ZNF44: variants seen among roughly 807,000 people sequenced by gnomAD.
ZNF44 encodes zinc finger protein 44.
In ZNF44, 9 loss-of-function variants were observed where a neutral mutation model predicts 11.7. That is an observed-to-expected ratio of 0.77 (90% confidence interval 0.46 to 1.35). The LOEUF (loss-of-function observed/expected upper bound fraction) is 1.35, where lower values mean the gene tolerates loss of function less well. ZNF44 is among the 40% of genes most tolerant of loss of function. The pLI is 0.00. For synonymous variants in ZNF44, 224 were observed against 242.7 expected (o/e 0.92, Z 0.72); for missense variants, 696 against 743.1 (o/e 0.94, Z 0.74).
chr19:12,286,462 C>T (rs1383792757), intron 1 of ZNF44, among the ~76,000 whole-genome samples: 3 of 151,538 alleles, frequency 2.0e-5, no homozygotes. Context: ...GATGAAACCC[C>T]GTCTCTACTA....
At chr19:12,232,309 C>T (rs1916197347) in intron 2 of ZNF44, among the ~76,000 whole-genome samples, 1 of 152,180 alleles carries the variant, frequency 6.6e-6, no homozygotes. Context: ...ATGCCTTCCT[C>T]TTGTCTCAAC....
chr19:12,226,976 G>A (rs1005400206), intron 3 of ZNF44, among the ~76,000 whole-genome samples: 3 of 151,956 alleles, frequency 2.0e-5, no homozygotes, highest in Non-Finnish European at 4.4e-5. Flanking sequence ...TGACACAGGA[G>A]AATCGCTTGA....
In ZNF44 at chr19:12,289,092, C is replaced by T. The variant is rs540952032; in HGVS notation, c.3+5600G>A. On this transcript the variant is annotated intron_variant, in intron 1 of 3. Transcript: ENST00000355684. ...GGCTGAAGTGGGTGGATCTCTTGAG[C>T]CCAGGAGTTCAAGACCAGCCTGGGC... 2.0e-5 allele frequency among the ~76,000 whole-genome samples: 3 copies of T among 151,648 alleles called. No homozygotes were observed. The South Asian group carries it at 6.3e-4, about 32-fold the overall frequency.
intron 1 of ZNF44, among the ~76,000 whole-genome samples, chr19:12,287,797 G>C (rs1364685927): frequency 1.3e-5 from 2 of 152,138 alleles, no homozygotes; most frequent in Non-Finnish European, 2.9e-5. Context: ...TTGATGTAAT[G>C]ATTTCCACTC....
intron 1 of ZNF44, among the ~76,000 whole-genome samples, chr19:12,235,897 A>G (rs986808029): frequency 2.0e-5 from 3 of 152,240 alleles, no homozygotes; most frequent in African/African-American, 7.2e-5. Flanking sequence ...GGGAACCTCA[A>G]TCCAAAGACA....
intron 1 of ZNF44, among the ~76,000 whole-genome samples, chr19:12,288,971 A>C (rs1235415515): frequency 6.6e-6 from 1 of 151,396 alleles, no homozygotes; most frequent in Non-Finnish European, 1.5e-5. Flanking sequence ...CTAGCTGAAC[A>C]GTTTTGCCTC....
intron 5 of ZNF44, among the ~76,000 whole-genome samples, chr19:12,261,622 A>G (rs1374274145): frequency 6.6e-6 from 1 of 152,206 alleles, no homozygotes; most frequent in Non-Finnish European, 1.5e-5. Flanking sequence ...GAGCAAGACC[A>G]TGTCCTCTGT....
At chr19:12,257,912 A>C (rs1477317040) in intron 5 of ZNF44, among the ~76,000 whole-genome samples, 1 of 151,914 alleles carries the variant, frequency 6.6e-6, no homozygotes, top group Non-Finnish European at 1.5e-5. Context: ...TGGAGATTAC[A>C]GTGAGCCAAG....
chr19:12,235,323 C>A (rs2438544), intron 1 of ZNF44, among the ~76,000 whole-genome samples: 9,276 of 152,176 alleles, frequency 0.061, 963 homozygotes, highest in African/African-American at 0.21. Flanking sequence ...GAGCCGAGAT[C>A]GCGCCACTGC....
At chr19:12,294,591 C>T in intron 1 of ZNF44, 101 bp downstream of exon 1, 2 of 1,492,726 alleles carry the variant, frequency 1.3e-6, no homozygotes, top group Admixed American at 2.0e-5. Flanking sequence ...TCCCAGACCC[C>T]AAAGACGCTG....
At chr19:12,284,758 G>A (rs1967654930) in intron 1 of ZNF44, 12 of 842,642 alleles carry the variant, frequency 1.4e-5, no homozygotes, top group South Asian at 8.5e-5. Context: ...ACTGCCATCC[G>A]CGGGGCCATC....
intron 1 of ZNF44, among the ~76,000 whole-genome samples, chr19:12,290,124 G>A (rs922843242): frequency 6.6e-6 from 1 of 152,066 alleles, no homozygotes; most frequent in Non-Finnish European, 1.5e-5. Flanking sequence ...GGTGGCTCAC[G>A]CCTGTAATCC....
Position 12,272,152 on chromosome 19 carries a change from A to G in ZNF44, c.*255T>C. 1 of 363,194 alleles carries G rather than the reference A, an allele frequency of 2.8e-6. No homozygotes were observed. The highest frequency in any genetic ancestry group is 4.5e-6 in the Non-Finnish European group (1 of 223,504). The allele number at this position is 363,194 out of a possible 1,614,324, so 22.5% of individuals were successfully genotyped here. A position where few individuals can be genotyped will look rare whatever the true frequency, so the allele number is the denominator to read the frequency against. On this transcript the variant is annotated 3_prime_UTR_variant, in exon 4 of 4. Coordinates refer to ENST00000355684, the MANE Select transcript of ZNF44 (RefSeq NM_016264.4). The stretch of plus-strand genomic sequence containing the variant: ...GCTAGGACTACAGGTGTGAGCAACT[A>G]TGCCTGGCTATTTTTTTTTTTTTCC...
At chr19:12,226,747 A>G (rs1205995466) in intron 3 of ZNF44, among the ~76,000 whole-genome samples, 1 of 152,242 alleles carries the variant, frequency 6.6e-6, no homozygotes, top group East Asian at 1.9e-4. Context: ...ACAAAGAATT[A>G]GCAATATTTT....
At chr19:12,293,996 C>T (rs181467830) in intron 1 of ZNF44, among the ~76,000 whole-genome samples, 8 of 149,298 alleles carry the variant, frequency 5.4e-5, no homozygotes, top group South Asian at 2.1e-4. Context: ...CGCTGCTTCA[C>T]AGGAAGCCGC....
At chr19:12,253,314 T>G (rs988022543) in intron 5 of ZNF44, among the ~76,000 whole-genome samples, 6 of 150,992 alleles carry the variant, frequency 4.0e-5, no homozygotes, top group African/African-American at 1.5e-4. Flanking sequence ...CTCAGCCTCC[T>G]GAGTAGCTGG....
upstream of ZNF44, among the ~76,000 whole-genome samples, chr19:12,239,568 ATTT>A (rs1158604076): frequency 3.9e-5 from 3 of 76,048 alleles, no homozygotes; most frequent in African/African-American, 1.3e-4. Flanking sequence ...CCCAAGTTGC[ATTT>A]TTTTTTTTTT....
At chr19:12,241,172 G>C (rs1599491071), upstream of ZNF44, among the ~76,000 whole-genome samples, 1 of 152,174 alleles carries the variant, frequency 6.6e-6, no homozygotes, top group African/African-American at 2.4e-5. Flanking sequence ...CTGGTGATTA[G>C]GGAAATGTAA....
At chr19:12,258,615 C>T (rs1024877643) in intron 5 of ZNF44, among the ~76,000 whole-genome samples, 1 of 152,122 alleles carries the variant, frequency 6.6e-6, no homozygotes, top group Admixed American at 6.5e-5. Context: ...GAATCACTTG[C>T]GGCCAGGAGT....
Sources: gnomAD v4.1 joint callset for allele counts (sites outside exome capture counted in the v4.1 genomes callset) on GRCh38, gnomAD v4.1.1 for gene constraint, MANE v1.5 for transcripts, NCBI Gene and HGNC (gene_info 2026-07-23, HGNC 2026-07-21) for gene names.